Variants in ZNF385B observed in about 807,000 individuals in gnomAD.
The protein encoded by ZNF385B is zinc finger protein 533.
In ZNF385B, 23 loss-of-function variants were observed where a neutral mutation model predicts 39.2. The observed-to-expected ratio is 0.59, with a 90% confidence interval of 0.42 to 0.83. ZNF385B has a LOEUF of 0.83. ZNF385B is among the 40% of genes least tolerant of loss of function. ZNF385B has a pLI of 0.00. For missense variants in ZNF385B, 552 were observed against 598.9 expected, an observed-to-expected ratio of 0.92 and a Z score of 0.82; for synonymous variants, 205 against 222.6, an observed-to-expected ratio of 0.92 and a Z score of 0.70.
chr2:179,491,995 T>G (rs2055286462), intron 5 of ZNF385B, among the ~76,000 whole-genome samples: 1 of 152,212 alleles, frequency 6.6e-6, no homozygotes, highest in South Asian at 2.1e-4. Flanking sequence ...ACACCATGCC[T>G]GGCCATCTTT....
At chr2:179,812,798 T>C (rs1706819953) in intron 1 of ZNF385B, among the ~76,000 whole-genome samples, 1 of 151,538 alleles carries the variant, frequency 6.6e-6, no homozygotes, top group South Asian at 2.1e-4. Flanking sequence ...ATTATGTATT[T>C]ATTTTACTTT....
intron 3 of ZNF385B, among the ~76,000 whole-genome samples, chr2:179,664,193 A>C (rs1438368117): frequency 6.6e-6 from 1 of 151,758 alleles, no homozygotes; most frequent in African/African-American, 2.4e-5. Flanking sequence ...AGATTGTTTA[A>C]ACCACACCAA....
In ZNF385B at chr2:179,840,607, G is replaced by C. The variant is rs565167487; in HGVS notation, c.-155+20494C>G. 5.3e-5 allele frequency among the ~76,000 whole-genome samples: 8 copies of C among 152,284 alleles called. 1 individual carries two copies. In the South Asian group the frequency reaches 1.7e-3, roughly 32 times the overall value. On this transcript the variant is annotated intron_variant, in intron 1 of 9. Coordinates refer to ENST00000410066, the MANE Select transcript of ZNF385B (RefSeq NM_152520.6). The stretch of plus-strand genomic sequence containing the variant: ...AAAAATCCCTGGTGCCTAATATTTT[G>C]TGATATATAAGGAATGATACAAAAT...
At chr2:179,733,034 T>C (rs897166043) in intron 3 of ZNF385B, among the ~76,000 whole-genome samples, 1 of 152,070 alleles carries the variant, frequency 6.6e-6, no homozygotes, top group African/African-American at 2.4e-5. Flanking sequence ...AAAGTAGAAG[T>C]TTTAAAGGAG....
rs747411799 is a variant in ZNF385B, at chr2:179,483,357, G to T, written c.630C>A (p.Pro210=). Residue 210 remains proline (P), a synonymous_variant, in exon 6 of 10, where the codon CCC becomes CCA. Transcript: ENST00000410066. ...CGCTGTCCTTGGAAGGAACCATTTT[G>T]GGTTTATTTTTCGTTGCGTCTAGTG... ...VKALDATKNK[P]KMVPSKDSAK... The T allele has an allele frequency of 1.1e-5, 18 of 1,613,996 alleles. No homozygotes were observed. The highest frequency in any genetic ancestry group is 1.7e-5 in the Admixed American group (1 of 59,992).
intron 1 of ZNF385B, among the ~76,000 whole-genome samples, chr2:179,854,559 G>A (rs1684430270): frequency 6.6e-6 from 1 of 151,996 alleles, no homozygotes; most frequent in African/African-American, 2.4e-5. Flanking sequence ...TTGAAGCTGA[G>A]CCCTGGCTTG....
intron 1 of ZNF385B, among the ~76,000 whole-genome samples, chr2:179,808,030 T>TGTTG (rs1271044231): frequency 8.0e-6 from 1 of 125,330 alleles, no homozygotes; most frequent in Non-Finnish European, 1.8e-5. Flanking sequence ...TAATTCTTTT[T>TGTTG]GTTTGTTTGT....
intron 1 of ZNF385B, among the ~76,000 whole-genome samples, chr2:179,799,143 G>A: frequency 6.6e-6 from 1 of 151,922 alleles, no homozygotes; most frequent in African/African-American, 2.4e-5. Flanking sequence ...CATTTATACT[G>A]AATTCTATTG....
At chr2:179,493,477 A>G (rs1049779519) in intron 5 of ZNF385B, among the ~76,000 whole-genome samples, 5 of 114,018 alleles carry the variant, frequency 4.4e-5, no homozygotes, top group South Asian at 3.2e-4. Flanking sequence ...ATGCATGTGT[A>G]CACATATGTA....
rs1176794856 is a variant in ZNF385B at position 179,556,448 on chromosome 2, A to C, written c.299-11479T>G. On this transcript the variant is annotated intron_variant, in intron 3 of 9. Coordinates refer to ENST00000410066, the MANE Select transcript of ZNF385B (RefSeq NM_152520.6). ...AAAAAGGAAATTGAAAGAAGAAAAA[A>C]CGGTATTCTAACAAATGCTTTCTCA... 2.0e-5 allele frequency among the ~76,000 whole-genome samples: 3 copies of C among 149,720 alleles called. 1 individual carries two copies. Among genetic ancestry groups the C allele is most frequent in the Non-Finnish European group, 4.4e-5 (3 of 67,722 alleles).
chr2:179,561,944 AG>A (rs1313527246), intron 3 of ZNF385B, among the ~76,000 whole-genome samples: 3 of 152,214 alleles, frequency 2.0e-5, no homozygotes, highest in Non-Finnish European at 4.4e-5. Flanking sequence ...ATTTGATTAC[AG>A]GCTACCAGCC....
intron 3 of ZNF385B, among the ~76,000 whole-genome samples, chr2:179,701,532 C>T (rs1699201315): frequency 1.3e-5 from 2 of 152,198 alleles, no homozygotes; most frequent in South Asian, 4.1e-4. Context: ...TACCCAAGTT[C>T]ACCCCGACAT....
At chr2:179,503,194 T>C (rs984884648) in intron 5 of ZNF385B, among the ~76,000 whole-genome samples, 4 of 152,198 alleles carry the variant, frequency 2.6e-5, no homozygotes, top group African/African-American at 9.7e-5. Context: ...TTGTATCATA[T>C]CTTTGTTTGT....
chr2:179,567,536 A>C (rs1684736016), intron 3 of ZNF385B, among the ~76,000 whole-genome samples: 1 of 152,222 alleles, frequency 6.6e-6, no homozygotes. Flanking sequence ...CAGATATAGA[A>C]GTGGTACAGG....
chr2:179,496,059 G>A (rs2056169837), intron 5 of ZNF385B, among the ~76,000 whole-genome samples: 1 of 152,122 alleles, frequency 6.6e-6, no homozygotes, highest in Non-Finnish European at 1.5e-5. Flanking sequence ...TAACTGTGTT[G>A]AGGAAACATA....
At chr2:179,717,102 A>C (rs760387375) in intron 3 of ZNF385B, among the ~76,000 whole-genome samples, 9 of 152,210 alleles carry the variant, frequency 5.9e-5, no homozygotes, top group Non-Finnish European at 1.2e-4. Flanking sequence ...CTGGGAAAAA[A>C]CTGTTTAAAT....
chr2:179,543,454 T>C (rs2060042151), intron 4 of ZNF385B, among the ~76,000 whole-genome samples: 1 of 152,168 alleles, frequency 6.6e-6, no homozygotes, highest in Non-Finnish European at 1.5e-5. Flanking sequence ...CTCATAAATG[T>C]TCTATGAAGT....
intron 3 of ZNF385B, among the ~76,000 whole-genome samples, chr2:179,587,185 G>A (rs1687156980): frequency 6.6e-6 from 1 of 152,144 alleles, no homozygotes; most frequent in African/African-American, 2.4e-5. Context: ...CATACCAGCT[G>A]AAGACAAACT....
intron 3 of ZNF385B, among the ~76,000 whole-genome samples, chr2:179,761,767 T>C (rs1027301215): frequency 6.0e-5 from 9 of 148,796 alleles, no homozygotes; most frequent in African/African-American, 1.2e-4. Context: ...TTTTCTTTTT[T>C]TTTTTTTTTT....
Sources: allele counts gnomAD v4.1 joint callset (sites outside exome capture counted in the v4.1 genomes callset), GRCh38; gene constraint gnomAD v4.1.1; transcripts MANE v1.5; gene names NCBI Gene and HGNC (gene_info 2026-07-23, HGNC 2026-07-21).